TBL1X: variants seen among roughly 807,000 people sequenced by gnomAD.
TBL1X encodes F-box-like/WD repeat-containing protein TBL1X.
In TBL1X, 10 loss-of-function variants were observed where a neutral mutation model predicts 50.7. The ratio of observed to expected loss-of-function variants is 0.20; its 90% CI spans 0.12 to 0.33. The LOEUF is 0.33. Among genes scored for constraint, TBL1X ranks in the 10% least tolerant of loss-of-function variants. The pLI is 1.00. For synonymous variants in TBL1X, 190 were observed against 214.7 expected, an observed-to-expected ratio of 0.88 and a Z score of 1.01; for missense variants, 340 against 504.4, an observed-to-expected ratio of 0.67 and a Z score of 3.12.
At chrX:9,572,954 C>T (rs975734894) in intron 2 of TBL1X, among the ~76,000 whole-genome samples, 1 of 112,556 alleles carries the variant, frequency 8.9e-6, no homozygotes, top group African/African-American at 3.2e-5. Context: ...ATCTGTATTA[C>T]CTGTAGCAGT....
chrX:9,499,129 A>T (rs746696235), intron 1 of TBL1X, among the ~76,000 whole-genome samples: 8 of 111,799 alleles, frequency 7.2e-5, no homozygotes, highest in Non-Finnish European at 1.9e-5. Flanking sequence ...AACATGGTGC[A>T]ATAGAGCCTT....
chrX:9,664,189 CCT>C lies in TBL1X; in HGVS notation c.211+9868_211+9869del, dbSNP rs1161758784. Among the ~76,000 whole-genome samples, 10 of 112,174 alleles carry C rather than the reference CCT, an allele frequency of 8.9e-5. No individual in the cohort carries two copies. The East Asian group carries it at 2.5e-3, about 28-fold the overall frequency. ...GCACTTCACTAGTTTTGCAGTTTCCCCTGAGTCCATAGTAATTGCAGAATTAT... is the reference window on the plus strand; with the variant it reads ...GCACTTCACTAGTTTTGCAGTTTCCCGAGTCCATAGTAATTGCAGAATTAT... On this transcript the variant is annotated intron_variant, in intron 5 of 17. Coordinates refer to ENST00000645353, the MANE Select transcript of TBL1X (RefSeq NM_005647.4).
intron 13 of TBL1X, 77 bp from the exon 14 acceptor site, chrX:9,709,171 G>T (rs933593377): frequency 4.4e-5 from 46 of 1,044,124 alleles, no homozygotes; most frequent in Middle Eastern, 3.6e-4. Context: ...GTGGCGCGCT[G>T]CTGCCCCCTG....
chrX:9,595,117 C>T (rs1396396638), intron 2 of TBL1X, among the ~76,000 whole-genome samples: 3 of 112,145 alleles, frequency 2.7e-5, no homozygotes, highest in Non-Finnish European at 5.6e-5. Context: ...CGCCACTGTG[C>T]AGTGGGGTGT....
At chrX:9,488,665 A>G (rs1316853734) in intron 1 of TBL1X, among the ~76,000 whole-genome samples, 1 of 111,885 alleles carries the variant, frequency 8.9e-6, no homozygotes, top group Non-Finnish European at 1.9e-5. Context: ...TATTCTGCCT[A>G]CTACATTGTC....
intron 2 of TBL1X, among the ~76,000 whole-genome samples, chrX:9,547,318 TTTG>T (rs751180929): frequency 3.6e-4 from 40 of 110,067 alleles, no homozygotes; most frequent in African/African-American, 4.6e-4. Flanking sequence ...GTTTCATTTT[TTTG>T]TTGTTGTTTT....
chrX:9,595,219 G>A (rs1251636742), intron 2 of TBL1X, among the ~76,000 whole-genome samples: 1 of 111,704 alleles, frequency 9.0e-6, no homozygotes, highest in East Asian at 2.8e-4. Context: ...CCTCCCTGAG[G>A]GACTTGGTGA....
chrX:9,682,180 G>A (rs1449179230), intron 5 of TBL1X, among the ~76,000 whole-genome samples: 15 of 112,134 alleles, frequency 1.3e-4, no homozygotes, highest in Non-Finnish European at 2.6e-4. Flanking sequence ...CCCAAGGGTG[G>A]GTTGCTTCAT....
chrX:9,716,869 G>C lies in TBL1X; in HGVS notation c.*623G>C, dbSNP rs1440027278. ...CCGTCTGAGATGGAAGCTGTCTTGG[G>C]CTTGTTGTCTCTTCCTTCTGTTGCT... On this transcript the variant is annotated 3_prime_UTR_variant, in exon 18 of 18. Transcript: ENST00000645353. 1 of 110,987 alleles carries C rather than the reference G, an allele frequency of 9.0e-6. No homozygotes were observed. Among genetic ancestry groups the C allele is most frequent in the Non-Finnish European group, 1.9e-5 (1 of 53,106 alleles). The allele number at this position is 110,987 out of a possible 1,213,427, so 9.1% of individuals were successfully genotyped here.
chrX:9,684,598 T>TAAAAAAAAA (rs3043994), intron 6 of TBL1X, among the ~76,000 whole-genome samples: 2,717 of 51,187 alleles, frequency 0.053, 132 homozygotes, highest in Non-Finnish European at 0.067. Context: ...TCTCTAAAAT[T>TAAAAAAAAA]AAAAAAAAAA....
chrX:9,563,499 A>C (rs1322258990), intron 2 of TBL1X, among the ~76,000 whole-genome samples: 2 of 112,991 alleles, frequency 1.8e-5, no homozygotes, highest in African/African-American at 6.4e-5. Context: ...AACAAATTGA[A>C]TACCACCTGA....
intron 2 of TBL1X, among the ~76,000 whole-genome samples, chrX:9,514,113 T>C (rs1272050851): frequency 9.0e-6 from 1 of 111,235 alleles, no homozygotes; most frequent in Non-Finnish European, 1.9e-5. Context: ...ATCCAAACTA[T>C]GTCACCAAAG....
intron 1 of TBL1X, among the ~76,000 whole-genome samples, chrX:9,479,531 T>A (rs1044596704): frequency 5.0e-4 from 56 of 112,708 alleles, no homozygotes; most frequent in African/African-American, 1.6e-3. Flanking sequence ...GGCTTTTACA[T>A]CACATGACTC....
intron 13 of TBL1X, among the ~76,000 whole-genome samples, chrX:9,708,415 C>T (rs1263712843): frequency 3.6e-5 from 4 of 112,404 alleles, no homozygotes; most frequent in Non-Finnish European, 7.5e-5. Flanking sequence ...GTGTGCCTGC[C>T]TGTGTGTGCA....
At chrX:9,631,205 T>C (rs1463349619) in intron 2 of TBL1X, among the ~76,000 whole-genome samples, 1 of 111,346 alleles carries the variant, frequency 9.0e-6, no homozygotes, top group Non-Finnish European at 1.9e-5. Flanking sequence ...ACTCGTGTCA[T>C]GGGGGGTTTG....
At chrX:9,604,421 C>G (rs1230261061) in intron 2 of TBL1X, among the ~76,000 whole-genome samples, 1 of 109,785 alleles carries the variant, frequency 9.1e-6, no homozygotes, top group African/African-American at 3.3e-5. Context: ...TTTTTTTTGC[C>G]AGTGGACTGC....
intron 2 of TBL1X, among the ~76,000 whole-genome samples, chrX:9,634,406 T>C (rs946703738): frequency 1.8e-5 from 2 of 111,852 alleles, no homozygotes; most frequent in South Asian, 3.7e-4. Context: ...GAAGCACTTA[T>C]GGTACTAAGC....
At chrX:9,639,201 C>A (rs1187673393) in intron 2 of TBL1X, among the ~76,000 whole-genome samples, 1 of 110,792 alleles carries the variant, frequency 9.0e-6, no homozygotes, top group African/African-American at 3.3e-5. Flanking sequence ...TAACTATAAA[C>A]ATGACTCAGT....
chrX:9,677,411 T>C (rs1482005578), intron 5 of TBL1X, among the ~76,000 whole-genome samples: 1 of 109,118 alleles, frequency 9.2e-6, no homozygotes. Context: ...AACCAGTGGC[T>C]GTTTGGTATC....
Sources: gnomAD v4.1 joint callset for allele counts (sites outside exome capture counted in the v4.1 genomes callset) on GRCh38, gnomAD v4.1.1 for gene constraint, MANE v1.5 for transcripts, NCBI Gene and HGNC (gene_info 2026-07-23, HGNC 2026-07-21) for gene names.